The following DACH1 variants were observed in gnomAD, a reference collection of about 807,000 sequenced individuals.
DACH1 encodes dachshund homolog 1.
A neutral mutation model predicts 54.2 loss-of-function variants in DACH1; 12 were observed. That is an observed-to-expected ratio of 0.22 (90% CI 0.14 to 0.36). The LOEUF is 0.36. DACH1 is among the 10% of genes least tolerant of loss of function. The pLI is 1.00. For missense variants in DACH1, 805 were observed against 929.8 expected, an observed-to-expected ratio of 0.87 and a Z score of 1.75; for synonymous variants, 386 against 366.2, an observed-to-expected ratio of 1.05 and a Z score of -0.62.
chr13:71,854,692 T>A (rs561728345), intron 1 of DACH1, among the ~76,000 whole-genome samples: 3 of 152,234 alleles, frequency 2.0e-5, no homozygotes, highest in South Asian at 2.1e-4. Context: ...AGCACAATGA[T>A]CTTATGATCT....
intron 10 of DACH1, 99 bp downstream of exon 10, chr13:71,475,042 G>T (rs1877392603): frequency 1.9e-6 from 2 of 1,026,274 alleles, no homozygotes; most frequent in Admixed American, 3.8e-5. Context: ...TTGTTTTGAT[G>T]TGGCCCAGAT....
chr13:71,703,091 A>T (rs2138755373), intron 1 of DACH1, among the ~76,000 whole-genome samples: 1 of 152,298 alleles, frequency 6.6e-6, no homozygotes, highest in South Asian at 2.1e-4. Flanking sequence ...TAATTTTCTT[A>T]ATTGTGTGTC....
At chr13:71,614,867 A>C (rs1485428271) in intron 3 of DACH1, among the ~76,000 whole-genome samples, 1 of 151,526 alleles carries the variant, frequency 6.6e-6, no homozygotes, top group Admixed American at 6.6e-5. Flanking sequence ...AAAAAAAAAA[A>C]AAAAAAGCCA....
At chr13:71,449,766 A>C (rs1874848451) in intron 10 of DACH1, among the ~76,000 whole-genome samples, 1 of 152,184 alleles carries the variant, frequency 6.6e-6, no homozygotes. Flanking sequence ...GCTAATAATT[A>C]GACCAAAAAA....
intron 3 of DACH1, among the ~76,000 whole-genome samples, chr13:71,602,718 C>T (rs1311750554): frequency 6.6e-6 from 1 of 151,858 alleles, no homozygotes; most frequent in Non-Finnish European, 1.5e-5. Flanking sequence ...TTTTTAACAC[C>T]ACAGTTAAAT....
chr13:71,503,374 CTAGT>C (rs959222873), intron 6 of DACH1, among the ~76,000 whole-genome samples: 1 of 152,104 alleles, frequency 6.6e-6, no homozygotes, highest in Non-Finnish European at 1.5e-5. Flanking sequence ...ATTTTCAAAA[CTAGT>C]TAATTTATTA....
intron 10 of DACH1, among the ~76,000 whole-genome samples, chr13:71,442,297 C>T (rs1874075644): frequency 6.6e-6 from 1 of 152,050 alleles, no homozygotes; most frequent in South Asian, 2.1e-4. Flanking sequence ...ACAAAGTTTG[C>T]CTTTCTGTGC....
chr13:71,721,898 A>G (rs866441970), intron 1 of DACH1, among the ~76,000 whole-genome samples: 121 of 152,256 alleles, frequency 7.9e-4, no homozygotes, highest in African/African-American at 2.8e-3. Flanking sequence ...AGTTATGAAT[A>G]TATACCTGAA....
At chr13:71,717,387 G>C (rs1441414803) in intron 1 of DACH1, among the ~76,000 whole-genome samples, 1 of 151,872 alleles carries the variant, frequency 6.6e-6, no homozygotes, top group Non-Finnish European at 1.5e-5. Flanking sequence ...TTAACTGAGG[G>C]ATTATCTCTG....
chr13:71,830,155 G>A (rs973391391), intron 1 of DACH1, among the ~76,000 whole-genome samples: 4 of 151,674 alleles, frequency 2.6e-5, no homozygotes, highest in Non-Finnish European at 4.4e-5. Context: ...TTAAGAATAC[G>A]AAACACACCT....
At chr13:71,441,220 C>G (rs554250565) in intron 10 of DACH1, among the ~76,000 whole-genome samples, 1 of 151,996 alleles carries the variant, frequency 6.6e-6, no homozygotes, top group East Asian at 1.9e-4. Flanking sequence ...ATAGCCTTTA[C>G]CCCTTGAAGT....
At chr13:71,777,194 G>C (rs909476536) in intron 1 of DACH1, among the ~76,000 whole-genome samples, 1 of 148,540 alleles carries the variant, frequency 6.7e-6, no homozygotes, top group Non-Finnish European at 1.5e-5. Flanking sequence ...CTTCTTGTCC[G>C]TACGGTATAG....
intron 1 of DACH1, among the ~76,000 whole-genome samples, chr13:71,722,932 G>A (rs1404313528): frequency 6.6e-6 from 1 of 152,090 alleles, no homozygotes; most frequent in Non-Finnish European, 1.5e-5. Flanking sequence ...GCAGGGGCTA[G>A]GGTTAGAATA....
intron 6 of DACH1, among the ~76,000 whole-genome samples, chr13:71,511,567 G>A (rs1324156527): frequency 6.6e-6 from 1 of 151,606 alleles, no homozygotes; most frequent in Non-Finnish European, 1.5e-5. Context: ...GGGAAAGATG[G>A]AAATATAAAC....
intron 3 of DACH1, among the ~76,000 whole-genome samples, chr13:71,610,540 A>G (rs1875246569): frequency 6.6e-6 from 1 of 152,218 alleles, no homozygotes; most frequent in Non-Finnish European, 1.5e-5. Flanking sequence ...TGCATAAATC[A>G]CAGAGACATA....
intron 1 of DACH1, among the ~76,000 whole-genome samples, chr13:71,820,754 T>A (rs1888154205): frequency 6.6e-6 from 1 of 152,326 alleles, no homozygotes; most frequent in African/African-American, 2.4e-5. Context: ...TTTCTTAGTA[T>A]GACTTCCACG....
chr13:71,534,375 C>T (rs867418717), intron 6 of DACH1, among the ~76,000 whole-genome samples: 2 of 151,760 alleles, frequency 1.3e-5, no homozygotes, highest in African/African-American at 4.8e-5. Flanking sequence ...AAATTATGCT[C>T]GTTAATTTAA....
chr13:71,736,280 T>C (rs767019088), intron 1 of DACH1, among the ~76,000 whole-genome samples: 6 of 152,178 alleles, frequency 3.9e-5, no homozygotes, highest in Non-Finnish European at 5.9e-5. Flanking sequence ...TACCATGATG[T>C]GCCATCACAT....
At chr13:71,794,434 A>G (rs946395149) in intron 1 of DACH1, among the ~76,000 whole-genome samples, 1 of 152,088 alleles carries the variant, frequency 6.6e-6, no homozygotes, top group Non-Finnish European at 1.5e-5. Context: ...ATAATGAGCA[A>G]CCATTTTATT....
Sources: gnomAD v4.1 joint callset for allele counts (sites outside exome capture counted in the v4.1 genomes callset) on GRCh38, gnomAD v4.1.1 for gene constraint, MANE v1.5 for transcripts, NCBI Gene and HGNC (gene_info 2026-07-23, HGNC 2026-07-21) for gene names.